Variants in ELMO1 observed in about 807,000 individuals in gnomAD.
ELMO1 encodes the protein engulfment and cell motility protein 1.
In ELMO1, 26 loss-of-function variants were observed where a neutral mutation model predicts 98.9. The observed-to-expected ratio is 0.26, with a 90% confidence interval of 0.19 to 0.36. The LOEUF (loss-of-function observed/expected upper bound fraction) is 0.36, where lower values mean the gene tolerates loss of function less well. ELMO1 is among the 10% of genes least tolerant of loss of function. ELMO1 has a pLI of 1.00. For missense variants in ELMO1, 627 were observed against 935.2 expected (o/e 0.67, Z 4.30); for synonymous variants, 346 against 346.0 (o/e 1.00, Z 0.00).
chr7:37,379,228 G>A (rs1214203494), intron 1 of ELMO1, among the ~76,000 whole-genome samples: 1 of 152,048 alleles, frequency 6.6e-6, no homozygotes, highest in Non-Finnish European at 1.5e-5. Context: ...TTTCAGTAGA[G>A]ACGGGGTTTC....
At chr7:37,348,477 T>C (rs1277039592) in intron 1 of ELMO1, among the ~76,000 whole-genome samples, 2 of 152,116 alleles carry the variant, frequency 1.3e-5, no homozygotes, top group Non-Finnish European at 2.9e-5. Context: ...ATGGGAATTG[T>C]TCCATGTTTA....
At chr7:37,280,471 T>A (rs1434415940) in intron 4 of ELMO1, among the ~76,000 whole-genome samples, 3 of 151,876 alleles carry the variant, frequency 2.0e-5, no homozygotes, top group Non-Finnish European at 4.4e-5. Context: ...AGGATTGATA[T>A]CCAGAATCTA....
At chr7:37,144,031 T>C (rs1271236346) in intron 13 of ELMO1, among the ~76,000 whole-genome samples, 1 of 152,106 alleles carries the variant, frequency 6.6e-6, no homozygotes, top group Non-Finnish European at 1.5e-5. Flanking sequence ...GTAAAAGTTA[T>C]AATTTCTCCA....
rs1020756944 is a variant in ELMO1, at chr7:37,033,027, G to A, written c.1301-19592C>T. ...CATCTTAGCCAAAACGCCGAGAAGCGATAAAATCATATTTCTGAATGTGTT... is the reference window on the plus strand; with the variant it reads ...CATCTTAGCCAAAACGCCGAGAAGCAATAAAATCATATTTCTGAATGTGTT... On this transcript the variant is annotated intron_variant, in intron 15 of 21. Transcript: ENST00000310758. Among the ~76,000 whole-genome samples, 9 of 152,190 alleles carry A rather than the reference G, an allele frequency of 5.9e-5. No homozygotes were observed. The East Asian group carries it at 9.7e-4, about 16-fold the overall frequency.
At chr7:37,233,654 T>C (rs546123874) in intron 7 of ELMO1, among the ~76,000 whole-genome samples, 2 of 152,352 alleles carry the variant, frequency 1.3e-5, no homozygotes, top group African/African-American at 2.4e-5. Flanking sequence ...GGCAGGGCAA[T>C]GTGCTTCCTT....
intron 14 of ELMO1, among the ~76,000 whole-genome samples, chr7:37,109,508 C>T (rs1002270169): frequency 6.6e-6 from 1 of 152,148 alleles, no homozygotes; most frequent in Non-Finnish European, 1.5e-5. Flanking sequence ...CTCCACTCTG[C>T]ACTCCTCCGC....
intron 16 of ELMO1, chr7:36,985,988 C>T (rs1162314026): frequency 6.0e-6 from 6 of 1,002,768 alleles, no homozygotes; most frequent in Admixed American, 1.2e-4. Flanking sequence ...CACCACAAAG[C>T]GACTTAGAGT....
intron 13 of ELMO1, among the ~76,000 whole-genome samples, chr7:37,197,638 CA>C (rs1269220778): frequency 6.6e-6 from 1 of 152,190 alleles, no homozygotes; most frequent in East Asian, 1.9e-4. Context: ...TGATGGCCAT[CA>C]AAAGCAGGTC....
chr7:37,038,055 T>C (rs1795291790), intron 15 of ELMO1, among the ~76,000 whole-genome samples: 1 of 152,148 alleles, frequency 6.6e-6, no homozygotes, highest in African/African-American at 2.4e-5. Flanking sequence ...CTTAAAAAGA[T>C]ATATTCCTTA....
At chr7:37,365,668 T>C (rs1583631686) in intron 1 of ELMO1, among the ~76,000 whole-genome samples, 1 of 151,956 alleles carries the variant, frequency 6.6e-6, no homozygotes, top group Admixed American at 6.5e-5. Flanking sequence ...AAGTGGGGAG[T>C]TGAAGAACTA....
intron 8 of ELMO1, 46 bp downstream of exon 8, chr7:37,233,049 G>A (rs1426350397): frequency 1.3e-6 from 2 of 1,496,192 alleles, no homozygotes; most frequent in Admixed American, 1.9e-5. Flanking sequence ...AAATAGCTAT[G>A]ACAGAAGACA....
intron 16 of ELMO1, among the ~76,000 whole-genome samples, chr7:36,984,649 T>C (rs1385967421): frequency 6.6e-6 from 1 of 152,222 alleles, no homozygotes. Context: ...ATTTCTCTTG[T>C]TTGACTATTT....
intron 14 of ELMO1, among the ~76,000 whole-genome samples, chr7:37,129,383 A>C (rs1786749658): frequency 6.6e-6 from 1 of 152,252 alleles, no homozygotes; most frequent in Non-Finnish European, 1.5e-5. Context: ...AGAATGCTTA[A>C]GGAGTTAGAA....
At chr7:37,071,675 T>TAAG (rs1250164893) in intron 15 of ELMO1, among the ~76,000 whole-genome samples, 58 of 152,204 alleles carry the variant, frequency 3.8e-4, no homozygotes, top group Non-Finnish European at 6.5e-4. Flanking sequence ...AACATCTTCC[T>TAAG]TTATTTGGTG....
chr7:37,375,882 G>A lies in ELMO1; in HGVS notation c.-73-33119C>T, dbSNP rs191441903. On this transcript the variant is annotated intron_variant, in intron 1 of 21. Coordinates refer to ENST00000310758, the MANE Select transcript of ELMO1 (RefSeq NM_014800.11). ...AGCAACCTGCAAGACTCACAAGAGG[G>A]GAAGCCAACAGAGATACGTGCAGAC... The A allele has an allele frequency of 5.0e-4, 343 of 687,180 alleles. 1 individual carries two copies. The African/African-American group carries it at 5.4e-3, about 11-fold the overall frequency. 42.6% of individuals were successfully genotyped at this position (687,180 alleles called of 1,614,324 possible). A position where few individuals can be genotyped will look rare whatever the true frequency, so the allele number is the denominator to read the frequency against.
chr7:37,096,557 C>G (rs552368946), intron 15 of ELMO1, 62 bp downstream of exon 15: 1 of 1,440,362 alleles, frequency 6.9e-7, no homozygotes, highest in African/African-American at 1.4e-5. Context: ...CAGGTAGGGG[C>G]ACAACCCTGG....
chr7:37,183,274 A>T (rs763952417), intron 13 of ELMO1, among the ~76,000 whole-genome samples: 3 of 152,232 alleles, frequency 2.0e-5, no homozygotes, highest in Non-Finnish European at 2.9e-5. Flanking sequence ...AACTAAATAC[A>T]TCAAACAAAA....
At chr7:37,081,791 G>A (rs1222652977) in intron 15 of ELMO1, among the ~76,000 whole-genome samples, 3 of 152,094 alleles carry the variant, frequency 2.0e-5, no homozygotes, top group Non-Finnish European at 2.9e-5. Context: ...CTAATACGAT[G>A]TGCATTAAGG....
intron 1 of ELMO1, among the ~76,000 whole-genome samples, chr7:37,411,947 T>C (rs759612383): frequency 1.3e-5 from 2 of 152,124 alleles, no homozygotes; most frequent in Non-Finnish European, 2.9e-5. Context: ...ACATATTTAA[T>C]TAATATGCTC....
Sources: allele counts gnomAD v4.1 joint callset (sites outside exome capture counted in the v4.1 genomes callset), GRCh38; gene constraint gnomAD v4.1.1; transcripts MANE v1.5; gene names NCBI Gene and HGNC (gene_info 2026-07-23, HGNC 2026-07-21).